The following OGT variants were observed in gnomAD, a reference collection of about 807,000 sequenced individuals.
The protein encoded by OGT is O-linked N-acetylglucosamine (GlcNAc) transferase, also known as UDP-N-acetylglucosamine--peptide N-acetylglucosaminyltransferase 110 kDa subunit.
OGT carries 3 observed loss-of-function variants against 75.8 expected under a neutral mutation model. That is an observed-to-expected ratio of 0.04 (90% confidence interval 0.02 to 0.10). The LOEUF (loss-of-function observed/expected upper bound fraction) is 0.10, where lower values mean the gene tolerates loss of function less well. OGT is among the 10% of genes least tolerant of loss of function. OGT has a pLI of 1.00. For synonymous variants in OGT, 257 were observed against 289.7 expected (o/e 0.89, Z 1.15); for missense variants, 260 against 824.4 (o/e 0.32, Z 8.38).
intron 7 of OGT, chrX:71,555,738 A>G: frequency 2.3e-6 from 1 of 439,374 alleles, no homozygotes; most frequent in African/African-American, 2.5e-5. Flanking sequence ...AAAATCACAA[A>G]AACCAAAAAA....
intron 20 of OGT, 56 bp downstream of exon 20, chrX:71,567,808 G>C: frequency 1.8e-6 from 2 of 1,133,820 alleles, no homozygotes; most frequent in Non-Finnish European, 2.4e-6. Context: ...ATCTCCGTTT[G>C]GGGGAGAAAC....
chrX:71,533,353 C>T lies in OGT; in HGVS notation c.37+17C>T, dbSNP rs1602134116. The T allele has an allele frequency of 4.2e-6, 5 of 1,186,878 alleles. No homozygotes were observed. The East Asian group carries it at 1.5e-4, about 37-fold the overall frequency. ...ACAGCACAGGTACCGGTGTCCCGTT[C>T]TACCTTGGCAGATGCCCCCTTGGGG... On this transcript the variant is annotated intron_variant, in intron 1 of 21. Coordinates refer to ENST00000373719, the MANE Select transcript of OGT (RefSeq NM_181672.3).
At chrX:71,533,751 TC>T (rs375036977) in intron 1 of OGT, among the ~76,000 whole-genome samples, 12 of 104,746 alleles carry the variant, frequency 1.1e-4, no homozygotes, top group Middle Eastern at 9.4e-3. Flanking sequence ...CTCCTTCATC[TC>T]CCCCCCCAGT....
Position 71,575,266 on chromosome X carries a change from A to G in OGT, c.*1472A>G, listed in dbSNP as rs1217836504. 1 of 112,153 alleles carries G rather than the reference A, an allele frequency of 8.9e-6. No homozygotes were observed. Among genetic ancestry groups the G allele is most frequent in the East Asian group, 2.8e-4 (1 of 3,602 alleles). The allele number at this position is 112,153 out of a possible 1,213,427, so 9.2% of individuals were successfully genotyped here. A position where few individuals can be genotyped will look rare whatever the true frequency, so the allele number is the denominator to read the frequency against. ...TCCAAAGCGCTGAGGCTGTGCACCT[A>G]TTCTGTAGTTGCAGCTGATGCCTGA... is the stretch of plus-strand genomic sequence containing the variant. On this transcript the variant is annotated 3_prime_UTR_variant, in exon 22 of 22. Coordinates refer to ENST00000373719, the MANE Select transcript of OGT (RefSeq NM_181672.3).
chrX:71,547,175 C>T (rs1168236424), intron 4 of OGT: 1 of 752,720 alleles, frequency 1.3e-6, no homozygotes, highest in African/African-American at 2.3e-5. Flanking sequence ...GGAGACGGGG[C>T]ATTGTGAGAA....
At chrX:71,568,756 A>G (rs1311311734) in intron 21 of OGT, among the ~76,000 whole-genome samples, 1 of 110,125 alleles carries the variant, frequency 9.1e-6, no homozygotes, top group Non-Finnish European at 1.9e-5. Context: ...TGAACCCGGG[A>G]GGCAGAGGTT....
intron 3 of OGT, among the ~76,000 whole-genome samples, chrX:71,539,789 GATTCTACTCTTATTGAT>G (rs2040204811): frequency 8.9e-6 from 1 of 111,897 alleles, no homozygotes; most frequent in African/African-American, 3.3e-5. Context: ...TAATCAGGTT[GATTCTACTCTTATTGAT>G]AGTGTACCCT....
At chrX:71,562,448 G>C (rs2040391127) in intron 15 of OGT, among the ~76,000 whole-genome samples, 1 of 112,689 alleles carries the variant, frequency 8.9e-6, no homozygotes, top group Non-Finnish European at 1.9e-5. Context: ...CCAGGTGACA[G>C]AGTAAGAGTC....
At chrX:71,547,491 G>T in intron 4 of OGT, 1 of 774,882 alleles carries the variant, frequency 1.3e-6, no homozygotes, top group Non-Finnish European at 1.5e-6. Flanking sequence ...AACACACTTT[G>T]GGAAACAGTG....
chrX:71,537,746 CAA>C, intron 2 of OGT, 81 bp from the exon 3 acceptor site: 2 of 1,092,596 alleles, frequency 1.8e-6, no homozygotes, highest in Non-Finnish European at 2.5e-6. Flanking sequence ...GCACAGATCT[CAA>C]ACTGTTTGAG....
intron 3 of OGT, among the ~76,000 whole-genome samples, chrX:71,541,349 A>T (rs1212342904): frequency 9.0e-6 from 1 of 110,891 alleles, no homozygotes; most frequent in Non-Finnish European, 1.9e-5. Flanking sequence ...GTATATTTCG[A>T]TTCTTCTCTG....
chrX:71,563,011 C>T lies in OGT; in HGVS notation c.2142C>T (p.His714=). Residue 714 remains histidine (H), a synonymous_variant, in exon 16 of 22, where the codon CAC becomes CAT. Coordinates refer to ENST00000373719, the MANE Select transcript of OGT (RefSeq NM_181672.3). ...FIGDHANMFP[H]LKKKAVIDFK... ...GTGATCATGCTAATATGTTCCCTCACCTGAAGGTAGGTATGAAACAGTGCT... is the reference window on the plus strand; with the variant it reads ...GTGATCATGCTAATATGTTCCCTCATCTGAAGGTAGGTATGAAACAGTGCT... 1 of 1,205,434 alleles carries T rather than the reference C, an allele frequency of 8.3e-7. No homozygotes were observed. The highest frequency in any genetic ancestry group is 1.8e-5 in the South Asian group (1 of 56,611).
In OGT at chrX:71,555,378, A is replaced by G; in HGVS notation, c.917A>G (p.Lys306Arg). 3 of 1,208,039 alleles carry G rather than the reference A, an allele frequency of 2.5e-6. No individual in the cohort carries two copies. The highest frequency in any genetic ancestry group is 3.4e-6 in the Non-Finnish European group (3 of 892,762). ...YCNLANALKEKGSVAEAEDCY... is the reference protein window; with the variant it reads ...YCNLANALKERGSVAEAEDCY... The stretch of plus-strand genomic sequence containing the variant: ...AACCTAGCCAATGCTCTCAAAGAGA[A>G]GGGCAGTGTAAGGATTTTTACTCAT... The change falls in exon 7 of 22, where the codon AAG becomes AGG. Residue 306 changes from lysine to arginine, a missense_variant. Coordinates refer to ENST00000373719, the MANE Select transcript of OGT (RefSeq NM_181672.3).
intron 19 of OGT, among the ~76,000 whole-genome samples, chrX:71,566,557 G>A (rs1297658720): frequency 8.9e-6 from 1 of 111,993 alleles, no homozygotes. Context: ...AAGAACAGCA[G>A]CATTGGAAAT....
rs957143529 is a variant in OGT, at chrX:71,563,214, C to G, written c.2233C>G (p.Leu745Val). The G allele has an allele frequency of 1.7e-6, 2 of 1,210,165 alleles. No individual in the cohort carries two copies. The highest frequency in any genetic ancestry group is 2.2e-6 in the Non-Finnish European group (2 of 893,926). The change falls in exon 17 of 22, where the codon CTT becomes GTT. Residue 745 changes from leucine (L) to valine (V), a missense_variant. By Grantham distance (32) the Leu-to-Val change is conservative (BLOSUM62 1). Transcript: ENST00000373719. ...VLNGIDLKAFLDSLPDVKIVK... is the reference protein window; with the variant it reads ...VLNGIDLKAFVDSLPDVKIVK... ...GAATGGCATCGACCTCAAAGCATTT[C>G]TTGATAGTCTACCAGATGTGAAAAT...
At chrX:71,546,432 A>ACCT in intron 4 of OGT, 1 of 753,473 alleles carries the variant, frequency 1.3e-6, no homozygotes, top group Non-Finnish European at 1.6e-6. Context: ...CAGACACACA[A>ACCT]CCTCCTCCTC....
chrX:71,556,381 C>T (rs2040343545), intron 8 of OGT: 1 of 369,711 alleles, frequency 2.7e-6, no homozygotes. Context: ...ATCTTAGTGC[C>T]TGATGGCTGT....
At chrX:71,540,424 C>T (rs1457033743) in intron 3 of OGT, among the ~76,000 whole-genome samples, 1 of 111,865 alleles carries the variant, frequency 8.9e-6, no homozygotes, top group African/African-American at 3.3e-5. Context: ...TAAAGAAACT[C>T]AGGTTATTTT....
chrX:71,534,008 C>T (rs990470604), intron 1 of OGT, among the ~76,000 whole-genome samples: 1 of 111,073 alleles, frequency 9.0e-6, no homozygotes, highest in Non-Finnish European at 1.9e-5. Flanking sequence ...TGCCATCGCC[C>T]AATTCCACCG....
Sources: gnomAD v4.1 joint callset for allele counts (sites outside exome capture counted in the v4.1 genomes callset) on GRCh38, gnomAD v4.1.1 for gene constraint, MANE v1.5 for transcripts, NCBI Gene and HGNC (gene_info 2026-07-23, HGNC 2026-07-21) for gene names.